CD2AP: variants seen among roughly 807,000 people sequenced by gnomAD.
CD2AP encodes CD2-associated protein.
CD2AP carries 46 observed loss-of-function variants against 85.1 expected under a neutral mutation model. The observed-to-expected ratio is 0.54, with a 90% CI of 0.43 to 0.69. The LOEUF (loss-of-function observed/expected upper bound fraction) is 0.69. Among genes scored for constraint, CD2AP ranks in the 30% least tolerant of loss-of-function variants. CD2AP has a pLI of 0.00. For missense variants in CD2AP, 769 were observed against 729.5 expected (o/e 1.05, Z -0.62); for synonymous variants, 255 against 252.9 (o/e 1.01, Z -0.08).
chr6:47,580,792 CTAAT>C, intron 9 of CD2AP, 68 bp from the exon 10 acceptor site: 1 of 973,428 alleles, frequency 1.0e-6, no homozygotes, highest in Admixed American at 1.7e-5. Flanking sequence ...TAGATTATTA[CTAAT>C]TAGAGTTTAT....
intron 12 of CD2AP, among the ~76,000 whole-genome samples, chr6:47,598,309 A>G (rs967057613): frequency 1.3e-5 from 2 of 151,132 alleles, no homozygotes; most frequent in African/African-American, 4.8e-5. Flanking sequence ...GTGGGAATGT[A>G]AACTAGTAGA....
At chr6:47,532,706 T>C (rs1259981330) in intron 2 of CD2AP, among the ~76,000 whole-genome samples, 1 of 152,220 alleles carries the variant, frequency 6.6e-6, no homozygotes, top group African/African-American at 2.4e-5. Context: ...CGCTTTCTTT[T>C]CCTTGAAGTA....
intron 5 of CD2AP, chr6:47,562,571 A>C: frequency 3.0e-6 from 1 of 338,028 alleles, no homozygotes; most frequent in Admixed American, 4.4e-5. Context: ...GCATAAGCAA[A>C]AGCTTGGATG....
At chr6:47,537,017 A>G (rs1562021541) in intron 3 of CD2AP, among the ~76,000 whole-genome samples, 1 of 152,220 alleles carries the variant, frequency 6.6e-6, no homozygotes, top group Non-Finnish European at 1.5e-5. Context: ...TAGTAGTGGA[A>G]ACTCACGCTA....
At chr6:47,509,035 A>G (rs1452763425) in intron 2 of CD2AP, among the ~76,000 whole-genome samples, 1 of 152,100 alleles carries the variant, frequency 6.6e-6, no homozygotes, top group Non-Finnish European at 1.5e-5. Flanking sequence ...CTAGCTTTTG[A>G]TTTAAGTCAG....
chr6:47,595,314 A>G (rs556489492), intron 11 of CD2AP, among the ~76,000 whole-genome samples: 29 of 152,058 alleles, frequency 1.9e-4, no homozygotes, highest in Admixed American at 2.0e-4. Context: ...TTAGTGCAGT[A>G]CTAAGAATTA....
chr6:47,479,702 G>A (rs1195567303), intron 1 of CD2AP, among the ~76,000 whole-genome samples: 1 of 152,148 alleles, frequency 6.6e-6, no homozygotes, highest in Non-Finnish European at 1.5e-5. Flanking sequence ...TCTTAAATGG[G>A]ATGCAGAATA....
rs545755283 is a variant in CD2AP, at chr6:47,605,872, A to G, written c.1418-293A>G. Among the ~76,000 whole-genome samples the G allele has an allele frequency of 6.6e-5, 10 of 151,962 alleles. 2 individuals carry two copies. In the South Asian group the frequency reaches 1.9e-3, roughly 28 times the overall value. On this transcript the variant is annotated intron_variant, in intron 13 of 17. Coordinates refer to ENST00000359314, the MANE Select transcript of CD2AP (RefSeq NM_012120.3). ...CTACTACAGTTTGTGATACAGATTT[A>G]TTTTTCACCAAGTACTTTTTGTTGA...
In CD2AP at chr6:47,609,257, G is replaced by GAT; in HGVS notation, c.1768_1769dup (p.Ile591LeufsTer8). The GAT allele has an allele frequency of 6.2e-7, 1 of 1,613,748 alleles. No homozygotes were observed. The highest frequency in any genetic ancestry group is 8.5e-7 in the Non-Finnish European group (1 of 1,179,842). On this transcript the variant is annotated frameshift_variant, in exon 16 of 18. Transcript: ENST00000359314. LOFTEE classifies it high-confidence loss of function. ...ATTCCCTGGATGAACTTAGAGCCCA[G>GAT]ATTATTGAATTGTTGTGCATTGTAG...
At chr6:47,507,081 T>C (rs1215313722) in intron 2 of CD2AP, among the ~76,000 whole-genome samples, 2 of 152,202 alleles carry the variant, frequency 1.3e-5, no homozygotes, top group African/African-American at 4.8e-5. Flanking sequence ...CACCGTGTCT[T>C]CACCAGGAGT....
At position 47,577,061 on chromosome 6, in the gene CD2AP, A is replaced by T. The variant is rs147947745; in HGVS notation, c.861A>T (p.Glu287Asp). 19 of 1,543,420 alleles carry T rather than the reference A, an allele frequency of 1.2e-5. No homozygotes were observed. Among genetic ancestry groups the T allele is most frequent in the Non-Finnish European group, 1.7e-5 (19 of 1,116,066 alleles). ...LFAYEGTNED[E>D]LTFKEGEIIH... ...CCTATGAAGGTACTAATGAAGATGA[A>T]CTTACTTTTAAAGAGGGGGAGATAA... The change falls in exon 8 of 18, where the codon GAA (glutamate) becomes GAT (aspartate). Residue 287 changes from glutamate (E) to aspartate (D), a missense_variant. Coordinates refer to ENST00000359314, the MANE Select transcript of CD2AP (RefSeq NM_012120.3).
chr6:47,569,703 T>C (rs1018606510), intron 5 of CD2AP, among the ~76,000 whole-genome samples: 3 of 152,100 alleles, frequency 2.0e-5, no homozygotes, highest in African/African-American at 7.2e-5. Flanking sequence ...TGCTCATTGC[T>C]GATGAGACAC....
chr6:47,582,790 GTTTTGTTTTTT>G (rs1768516197), intron 11 of CD2AP, among the ~76,000 whole-genome samples: 2 of 86,794 alleles, frequency 2.3e-5, no homozygotes, highest in Admixed American at 1.3e-4. Flanking sequence ...GTTTTTTTTT[GTTTTGTTTTTT>G]TTTTTTTGTC....
At chr6:47,611,560 A>C in intron 16 of CD2AP, among the ~76,000 whole-genome samples, 1 of 151,844 alleles carries the variant, frequency 6.6e-6, no homozygotes, top group East Asian at 1.9e-4. Context: ...ACATTATATA[A>C]ATAATTTTAA....
intron 11 of CD2AP, 54 bp from the exon 12 acceptor site, chr6:47,595,806 GA>G: frequency 6.6e-7 from 1 of 1,525,554 alleles, no homozygotes; most frequent in Non-Finnish European, 9.1e-7. Context: ...TTTGGAAATA[GA>G]AAAACCTAAA....
intron 3 of CD2AP, among the ~76,000 whole-genome samples, chr6:47,535,694 A>G (rs1767021420): frequency 6.6e-6 from 1 of 152,168 alleles, no homozygotes; most frequent in Non-Finnish European, 1.5e-5. Context: ...AGCAGTTCTG[A>G]TGATGATGAA....
At chr6:47,584,892 T>C (rs1768579339) in intron 11 of CD2AP, among the ~76,000 whole-genome samples, 1 of 152,088 alleles carries the variant, frequency 6.6e-6, no homozygotes, top group Non-Finnish European at 1.5e-5. Context: ...GGCTTTATTA[T>C]CTATTTTTTT....
intron 4 of CD2AP, among the ~76,000 whole-genome samples, chr6:47,553,130 A>C (rs1227813835): frequency 1.3e-5 from 2 of 152,020 alleles, no homozygotes; most frequent in Non-Finnish European, 2.9e-5. Context: ...AAGAACAGGG[A>C]TTTCTCATAT....
Position 47,623,029 on chromosome 6 carries a change from C to A in CD2AP, c.1879-1157C>A, listed in dbSNP as rs141495068. Among the ~76,000 whole-genome samples, 10 of 152,238 alleles carry A rather than the reference C, an allele frequency of 6.6e-5. No individual in the cohort carries two copies. The East Asian group carries it at 1.7e-3, about 26-fold the overall frequency. ...TGGAATAAAGACTTTAATAACAGAT[C>A]GGGCTGACAATGAAAGCTATCGTCT... On this transcript the variant is annotated intron_variant, in intron 17 of 17. Coordinates refer to ENST00000359314, the MANE Select transcript of CD2AP (RefSeq NM_012120.3).
Sources: allele counts gnomAD v4.1 joint callset (sites outside exome capture counted in the v4.1 genomes callset), GRCh38; gene constraint gnomAD v4.1.1; transcripts MANE v1.5; gene names NCBI Gene and HGNC (gene_info 2026-07-23, HGNC 2026-07-21).